The following RIMBP2 variants were observed in gnomAD, a reference collection of about 807,000 sequenced individuals.
The protein encoded by RIMBP2 is RIMS binding protein 2.
A neutral mutation model predicts 118.6 loss-of-function variants in RIMBP2; 48 were observed. The observed-to-expected ratio is 0.40, with a 90% CI of 0.32 to 0.51. The LOEUF is 0.51. Ranked by LOEUF, RIMBP2 falls within the 20% of genes least tolerant of loss-of-function variation. RIMBP2 has a pLI of 0.41. For synonymous variants in RIMBP2, 762 were observed against 742.9 expected, an observed-to-expected ratio of 1.03 and a Z score of -0.42; for missense variants, 1,551 against 1,768.3, an observed-to-expected ratio of 0.88 and a Z score of 2.20.
intron 20 of RIMBP2, 66 bp from the exon 21 acceptor site, chr12:130,406,309 A>C (rs2075169919): frequency 7.6e-6 from 8 of 1,055,982 alleles, no homozygotes; most frequent in Non-Finnish European, 1.1e-5. Flanking sequence ...TTTAAAAATA[A>C]GTTCTCTATG....
chr12:130,651,312 T>C (rs1209740846), intron 1 of RIMBP2: 1 of 152,128 alleles, frequency 6.6e-6, no homozygotes, highest in East Asian at 1.9e-4. Context: ...TTCCAAAGCA[T>C]CCATTGTTAG....
intron 1 of RIMBP2, among the ~76,000 whole-genome samples, chr12:130,695,557 G>A (rs546471059): frequency 9.2e-5 from 14 of 152,200 alleles, no homozygotes; most frequent in Non-Finnish European, 1.9e-4. Context: ...ACCTGGGAGG[G>A]AGGGTGGTAC....
chr12:130,445,066 G>A (rs111810732), intron 10 of RIMBP2, 94 bp downstream of exon 10: 1 of 768,806 alleles, frequency 1.3e-6, no homozygotes, highest in Non-Finnish European at 2.1e-6. Flanking sequence ...GAGTATGTTG[G>A]GAGCCCTGCC....
chr12:130,476,493 G>A (rs980627458), intron 5 of RIMBP2, among the ~76,000 whole-genome samples: 6 of 152,160 alleles, frequency 3.9e-5, no homozygotes, highest in African/African-American at 1.4e-4. Flanking sequence ...CCAGCTCTGT[G>A]CCTCAGGCCC....
chr12:130,691,523 T>C (rs11061086), intron 1 of RIMBP2, among the ~76,000 whole-genome samples: 38,300 of 151,932 alleles, frequency 0.25, 5,237 homozygotes, highest in South Asian at 0.38. Context: ...AATACAAAAA[T>C]TAGCCGGATG....
At chr12:130,702,941 C>A (rs1166910607) in intron 1 of RIMBP2, among the ~76,000 whole-genome samples, 2 of 152,152 alleles carry the variant, frequency 1.3e-5, no homozygotes, top group Non-Finnish European at 2.9e-5. Context: ...GGACCTGCCT[C>A]AACAGGGGTT....
At chr12:130,669,142 C>T (rs1003145079) in intron 1 of RIMBP2, 5 of 152,374 alleles carry the variant, frequency 3.3e-5, no homozygotes, top group African/African-American at 1.2e-4. Context: ...AGGGAACAGC[C>T]CAAACCAGGG....
At chr12:130,619,180 T>C (rs2061147386) in intron 2 of RIMBP2, among the ~76,000 whole-genome samples, 1 of 152,216 alleles carries the variant, frequency 6.6e-6, no homozygotes, top group Non-Finnish European at 1.5e-5. Context: ...TTCTGCGCTA[T>C]TTTCAGAGCA....
intron 2 of RIMBP2, among the ~76,000 whole-genome samples, chr12:130,533,854 C>T (rs920544281): frequency 1.3e-5 from 2 of 152,128 alleles, no homozygotes; most frequent in Non-Finnish European, 2.9e-5. Flanking sequence ...TAAACAGTGT[C>T]TCCACGTGGA....
intron 4 of RIMBP2, among the ~76,000 whole-genome samples, chr12:130,491,420 T>C (rs1159653327): frequency 6.6e-6 from 1 of 152,232 alleles, no homozygotes; most frequent in Non-Finnish European, 1.5e-5. Context: ...CGGGATGTGC[T>C]GATGTTTGCT....
chr12:130,672,614 C>T (rs1406540090), intron 1 of RIMBP2, among the ~76,000 whole-genome samples: 2 of 152,172 alleles, frequency 1.3e-5, no homozygotes, highest in East Asian at 3.9e-4. Context: ...AGAACCAGAA[C>T]TCCAGATTTT....
chr12:130,670,505 C>T lies in RIMBP2; in HGVS notation c.-351-42049G>A, dbSNP rs921798614. On this transcript the variant is annotated intron_variant, in intron 1 of 22. Transcript: ENST00000690449. This position sits in a 1 kb window ranked among gnomAD's most constrained non-coding sequence, Gnocchi z 4.9. ...CTCCCTCCAACTGAGGCACCCTTCC[C>T]CCAGGGGTTCCATGGTCAGCTCCTT... is the stretch of plus-strand genomic sequence containing the variant. Among the ~76,000 whole-genome samples the T allele has an allele frequency of 1.3e-5, 2 of 152,148 alleles. No individual in the cohort carries two copies. Among genetic ancestry groups the T allele is most frequent in the Non-Finnish European group, 2.9e-5 (2 of 68,022 alleles).
intron 6 of RIMBP2, chr12:130,465,120 C>T (rs555669686): frequency 1.3e-5 from 2 of 152,368 alleles, no homozygotes; most frequent in South Asian, 2.1e-4. Flanking sequence ...CACAATCATC[C>T]ACTGCAGGCC....
chr12:130,649,496 A>G (rs1393386960), intron 1 of RIMBP2, among the ~76,000 whole-genome samples: 1 of 152,184 alleles, frequency 6.6e-6, no homozygotes, highest in African/African-American at 2.4e-5. Context: ...CCCAGACCCA[A>G]GGGCTGCTGG....
At position 130,646,443 on chromosome 12, in the gene RIMBP2, C is replaced by CCTCCCT. The variant is rs1260693313; in HGVS notation, c.-351-17988_-351-17987insAGGGAG. ...ACCACTTCCCTCTCCACCTCCCTTG[C>CCTCCCT]CACCTCCCTCGCCACCTCCCTCGCT... On this transcript the variant is annotated intron_variant, in intron 1 of 22. Transcript: ENST00000690449. Among the ~76,000 whole-genome samples, 3 of 84,486 alleles carry CCTCCCT rather than the reference C, an allele frequency of 3.6e-5. 1 individual carries two copies. The highest frequency in any genetic ancestry group is 1.7e-4 in the Admixed American group (1 of 5,994). 55.4% of individuals were successfully genotyped at this position (84,486 alleles called of 152,430 possible).
chr12:130,467,654 A>G (rs561198869), intron 6 of RIMBP2, among the ~76,000 whole-genome samples: 2 of 152,232 alleles, frequency 1.3e-5, no homozygotes, highest in Admixed American at 6.5e-5. Context: ...AATTGGCTGT[A>G]TCTAGGCAAC....
At position 130,710,118 on chromosome 12, in the gene RIMBP2, T is replaced by C. The variant is rs1949798073; in HGVS notation, c.-352+6104A>G. Among the ~76,000 whole-genome samples, 1 of 152,162 alleles carries C rather than the reference T, an allele frequency of 6.6e-6. No homozygotes were observed. Among genetic ancestry groups the C allele is most frequent in the African/African-American group, 2.4e-5 (1 of 41,446 alleles). Reference sequence around the variant, plus strand: ...GCTCTGCAGCCCCTGTGGTCCCAGCTGCTCCAAAAACACCCAAGGAGCAAT... The same window carrying C: ...GCTCTGCAGCCCCTGTGGTCCCAGCCGCTCCAAAAACACCCAAGGAGCAAT... On this transcript the variant is annotated intron_variant, in intron 1 of 22. Coordinates refer to ENST00000690449, the MANE Select transcript of RIMBP2 (RefSeq NM_001393629.1). The surrounding 1 kb of genome is among the most constrained non-coding windows in gnomAD (Gnocchi z 4.3).
At chr12:130,583,404 C>T (rs1593900894) in intron 2 of RIMBP2, among the ~76,000 whole-genome samples, 1 of 75,566 alleles carries the variant, frequency 1.3e-5, no homozygotes, top group Non-Finnish European at 2.7e-5. Context: ...CACCTCATCA[C>T]CATTACATCA....
At chr12:130,696,964 C>A (rs941032018) in intron 1 of RIMBP2, among the ~76,000 whole-genome samples, 1 of 152,110 alleles carries the variant, frequency 6.6e-6, no homozygotes. Flanking sequence ...GAGAGGTGAA[C>A]GGGGGCTGTA....
Sources: gnomAD v4.1 joint callset for allele counts (sites outside exome capture counted in the v4.1 genomes callset) on GRCh38, gnomAD v4.1.1 for gene constraint, Gnocchi (gnomAD v3.1) non-coding constraint, MANE v1.5 for transcripts, NCBI Gene and HGNC (gene_info 2026-07-23, HGNC 2026-07-21) for gene names.